The following BMAL1 variants were observed in gnomAD, a reference collection of about 807,000 sequenced individuals.
The protein encoded by BMAL1 is basic helix-loop-helix ARNT-like protein 1.
the BMAL1 span, among the ~76,000 whole-genome samples, chr11:13,305,017 G>A: frequency 1.1e-4 from 16 of 152,304 alleles, no homozygotes; most frequent in Non-Finnish European, 2.4e-4. Context: ...TCAGTTTAAG[G>A]GAAAAGCCTC....
At chr11:13,332,080 G>A in the BMAL1 span, among the ~76,000 whole-genome samples, 1 of 152,172 alleles carries the variant, frequency 6.6e-6, no homozygotes, top group Non-Finnish European at 1.5e-5. Flanking sequence ...CAACCAGAGA[G>A]TAAAAGACAG....
the BMAL1 span, among the ~76,000 whole-genome samples, chr11:13,368,851 T>G: frequency 1.3e-5 from 2 of 152,220 alleles, no homozygotes; most frequent in Non-Finnish European, 2.9e-5. Context: ...GTAGCCAGAC[T>G]TTAAAAAATA....
the BMAL1 span, chr11:13,356,848 T>C: frequency 1.2e-6 from 2 of 1,611,460 alleles, no homozygotes; most frequent in Admixed American, 3.3e-5. Context: ...ACACATTCTG[T>C]TACTTGGGGC....
the BMAL1 span, among the ~76,000 whole-genome samples, chr11:13,369,158 G>A: frequency 6.6e-6 from 1 of 152,158 alleles, no homozygotes; most frequent in Non-Finnish European, 1.5e-5. Flanking sequence ...AAGGCAGTCC[G>A]GCTCCCACCT....
the BMAL1 span, among the ~76,000 whole-genome samples, chr11:13,328,527 C>T: frequency 3.3e-5 from 5 of 152,280 alleles, no homozygotes; most frequent in South Asian, 1.0e-3. Context: ...ATGGCCCCTC[C>T]ACTCCCTGCC....
the BMAL1 span, among the ~76,000 whole-genome samples, chr11:13,369,039 C>T: frequency 6.6e-6 from 1 of 152,212 alleles, no homozygotes. Flanking sequence ...TACCTGCATG[C>T]AGCTAGTGGC....
the BMAL1 span, among the ~76,000 whole-genome samples, chr11:13,347,798 C>T: frequency 1.1e-4 from 16 of 152,130 alleles, no homozygotes; most frequent in South Asian, 4.2e-4. Context: ...TGCAGTGAGC[C>T]GAGATCATGC....
At chr11:13,313,928 A>G in the BMAL1 span, among the ~76,000 whole-genome samples, 3 of 126,244 alleles carry the variant, frequency 2.4e-5, no homozygotes, top group Non-Finnish European at 4.7e-5. Context: ...TTTTTCCCTA[A>G]CTCACATTTC....
the BMAL1 span, among the ~76,000 whole-genome samples, chr11:13,341,682 GT>G: frequency 6.6e-6 from 1 of 152,248 alleles, no homozygotes; most frequent in Non-Finnish European, 1.5e-5. Flanking sequence ...CAGGCAGTAA[GT>G]TTTTTGGTGA....
At chr11:13,343,071 G>A in the BMAL1 span, among the ~76,000 whole-genome samples, 3 of 152,150 alleles carry the variant, frequency 2.0e-5, no homozygotes, top group African/African-American at 7.2e-5. Flanking sequence ...GGCAGGTAAT[G>A]TTATCCTTAT....
the BMAL1 span, among the ~76,000 whole-genome samples, chr11:13,329,677 G>A: frequency 5.9e-5 from 9 of 152,230 alleles, no homozygotes; most frequent in South Asian, 6.2e-4. Flanking sequence ...TTGAGGCTGC[G>A]TGGAAGCCCA....
At chr11:13,323,343 C>G in the BMAL1 span, among the ~76,000 whole-genome samples, 1 of 152,172 alleles carries the variant, frequency 6.6e-6, no homozygotes, top group South Asian at 2.1e-4. Context: ...CCCCCAACTC[C>G]CATACCCACT....
At chr11:13,371,401 A>T in the BMAL1 span, among the ~76,000 whole-genome samples, 16 of 152,246 alleles carry the variant, frequency 1.1e-4, no homozygotes, top group African/African-American at 3.9e-4. Context: ...CAACAGTTTG[A>T]TCTCAGAAAT....
chr11:13,357,134 G>A, the BMAL1 span: 4 of 1,612,452 alleles, frequency 2.5e-6, no homozygotes, highest in East Asian at 8.9e-5. This position sits in a 1 kb window ranked among gnomAD's most constrained non-coding sequence, Gnocchi z 4.8. Flanking sequence ...AAGCATCCTA[G>A]TTCTGGTTGC....
At chr11:13,385,810 C>A in the BMAL1 span, 1 of 1,571,008 alleles carries the variant, frequency 6.4e-7, no homozygotes, top group South Asian at 1.1e-5. Context: ...CATCATTATT[C>A]GTTTCCATTG....
chr11:13,330,878 C>T, the BMAL1 span, among the ~76,000 whole-genome samples: 4 of 152,190 alleles, frequency 2.6e-5, no homozygotes, highest in Non-Finnish European at 4.4e-5. Flanking sequence ...TTATTGCTCA[C>T]GTAGTCATGA....
At chr11:13,315,209 C>A in the BMAL1 span, among the ~76,000 whole-genome samples, 1 of 152,166 alleles carries the variant, frequency 6.6e-6, no homozygotes, top group African/African-American at 2.4e-5. Flanking sequence ...TGCTGCCTCC[C>A]CTTGTAGGGA....
the BMAL1 span, among the ~76,000 whole-genome samples, chr11:13,346,439 C>G: frequency 6.6e-6 from 1 of 152,150 alleles, no homozygotes; most frequent in Non-Finnish European, 1.5e-5. Context: ...TGTAGATGGT[C>G]GGTATGGGTT....
At chr11:13,380,268 G>GT in the BMAL1 span, 1 of 152,334 alleles carries the variant, frequency 6.6e-6, no homozygotes, top group African/African-American at 2.4e-5. Flanking sequence ...AATCCAGAAA[G>GT]AAAACTTGTT....
Sources: gnomAD v4.1 joint callset for allele counts (sites outside exome capture counted in the v4.1 genomes callset) on GRCh38, gnomAD v4.1.1 for gene constraint, Gnocchi (gnomAD v3.1) non-coding constraint, MANE v1.5 for transcripts, NCBI Gene and HGNC (gene_info 2026-07-23, HGNC 2026-07-21) for gene names.